FAF1: variants seen among roughly 807,000 people sequenced by gnomAD.
FAF1 encodes Fas associated factor 1, also known as FAS-associated factor 1.
A neutral mutation model predicts 92.5 loss-of-function variants in FAF1; 25 were observed. The observed-to-expected ratio is 0.27, with a 90% confidence interval of 0.20 to 0.38. The LOEUF (loss-of-function observed/expected upper bound fraction) is 0.38, where lower values mean the gene tolerates loss of function less well. Ranked by LOEUF, FAF1 falls within the 10% of genes least tolerant of loss-of-function variation. The pLI is 1.00. For synonymous variants in FAF1, 234 were observed against 273.2 expected, an observed-to-expected ratio of 0.86 and a Z score of 1.42; for missense variants, 636 against 793.3, an observed-to-expected ratio of 0.80 and a Z score of 2.38.
At chr1:50,650,836 A>T (rs1654831471) in intron 8 of FAF1, among the ~76,000 whole-genome samples, 1 of 152,112 alleles carries the variant, frequency 6.6e-6, no homozygotes, top group African/African-American at 2.4e-5. Context: ...CCTACTTGTA[A>T]CTCCTTGTTC....
intron 6 of FAF1, among the ~76,000 whole-genome samples, chr1:50,729,212 T>C (rs1658816109): frequency 6.6e-6 from 1 of 151,398 alleles, no homozygotes; most frequent in Non-Finnish European, 1.5e-5. Flanking sequence ...TGCGCCACCA[T>C]ACCCGGCTTA....
chr1:50,512,716 C>A (rs1016329766), intron 15 of FAF1, among the ~76,000 whole-genome samples: 1 of 152,100 alleles, frequency 6.6e-6, no homozygotes. Flanking sequence ...TTGGCTATAA[C>A]GGCTCTTTTT....
chr1:50,567,282 T>A, intron 12 of FAF1, 51 bp from the exon 13 acceptor site: 1 of 1,425,140 alleles, frequency 7.0e-7, no homozygotes, highest in Non-Finnish European at 9.5e-7. Flanking sequence ...TAATGTAAGA[T>A]TTCTTAAATT....
intron 8 of FAF1, among the ~76,000 whole-genome samples, chr1:50,629,320 G>A (rs1236770602): frequency 6.6e-6 from 1 of 152,022 alleles, no homozygotes; most frequent in Non-Finnish European, 1.5e-5. Flanking sequence ...TAGGTGCATG[G>A]CACCACGCCC....
intron 8 of FAF1, among the ~76,000 whole-genome samples, chr1:50,629,759 T>TAAAG (rs1653676079): frequency 6.6e-6 from 1 of 152,032 alleles, no homozygotes; most frequent in African/African-American, 2.4e-5. Flanking sequence ...ACGTGAAGAT[T>TAAAG]AAAGATAAAA....
chr1:50,729,034 C>CTATCTATCTATCTATA (rs774816134), intron 6 of FAF1, among the ~76,000 whole-genome samples: 5 of 88,118 alleles, frequency 5.7e-5, no homozygotes, highest in African/African-American at 2.5e-4. Flanking sequence ...ATCTATCTAT[C>CTATCTATCTATCTATA]TATATATATA....
chr1:50,515,567 A>G (rs564439213), intron 15 of FAF1, among the ~76,000 whole-genome samples: 3 of 152,318 alleles, frequency 2.0e-5, no homozygotes, highest in South Asian at 4.1e-4. Flanking sequence ...AACAGAAATT[A>G]TAACAAAATG....
chr1:50,756,503 C>T (rs1364374272), intron 4 of FAF1, among the ~76,000 whole-genome samples: 1 of 152,186 alleles, frequency 6.6e-6, no homozygotes, highest in Non-Finnish European at 1.5e-5. Flanking sequence ...TCTTCATAGC[C>T]CTCCAAACTA....
chr1:50,618,852 G>A lies in FAF1; in HGVS notation c.745-22636C>T, dbSNP rs181172742. 2.6e-5 allele frequency among the ~76,000 whole-genome samples: 4 copies of A among 151,656 alleles called. No homozygotes were observed. The East Asian group carries it at 7.8e-4, about 30-fold the overall frequency. On this transcript the variant is annotated intron_variant, in intron 8 of 18. Transcript: ENST00000396153. ...CAGCATCTGCCTCCTGGGTTCCAGCGATTCTTCTGCCTCAGCCTCCTGGGT... is the reference window on the plus strand; with the variant it reads ...CAGCATCTGCCTCCTGGGTTCCAGCAATTCTTCTGCCTCAGCCTCCTGGGT...
intron 15 of FAF1, among the ~76,000 whole-genome samples, chr1:50,529,001 T>C (rs1315710768): frequency 6.6e-6 from 1 of 152,220 alleles, no homozygotes; most frequent in African/African-American, 2.4e-5. Flanking sequence ...AAAATACATG[T>C]TAATCAATTA....
intron 4 of FAF1, among the ~76,000 whole-genome samples, chr1:50,760,304 C>A (rs1660272469): frequency 6.6e-6 from 1 of 152,104 alleles, no homozygotes; most frequent in African/African-American, 2.4e-5. Context: ...CAACGATACC[C>A]AGGAATTGAA....
At chr1:50,801,274 G>C (rs1661978858) in intron 3 of FAF1, among the ~76,000 whole-genome samples, 1 of 152,208 alleles carries the variant, frequency 6.6e-6, no homozygotes, top group South Asian at 2.1e-4. Flanking sequence ...GATAAAGCCT[G>C]TATAGTTAAG....
chr1:50,728,409 G>T (rs376836344), intron 6 of FAF1, among the ~76,000 whole-genome samples: 25 of 152,218 alleles, frequency 1.6e-4, no homozygotes, highest in African/African-American at 5.5e-4. Context: ...AAAAGACGAA[G>T]TTAGAGAGAA....
intron 7 of FAF1, among the ~76,000 whole-genome samples, chr1:50,663,287 G>GC (rs1417809933): frequency 6.6e-5 from 10 of 151,462 alleles, no homozygotes; most frequent in African/African-American, 2.2e-4. Flanking sequence ...AAATTCATGG[G>GC]CCCCACCACA....
Position 50,887,438 on chromosome 1 carries a change from T to G in FAF1, c.46-29441A>C, listed in dbSNP as rs1644676682. 2.0e-5 allele frequency among the ~76,000 whole-genome samples: 3 copies of G among 152,236 alleles called. No individual in the cohort carries two copies. The South Asian group carries it at 6.2e-4, about 32-fold the overall frequency. Reference sequence around the variant, plus strand: ...GCCATTGCTTTTGGTGTTTTAGACATGAAGTCCTTGCCCATGCCTATAGCC... The same window carrying G: ...GCCATTGCTTTTGGTGTTTTAGACAGGAAGTCCTTGCCCATGCCTATAGCC... On this transcript the variant is annotated intron_variant, in intron 1 of 18. Transcript: ENST00000396153.
At chr1:50,634,734 C>G (rs186075466) in intron 8 of FAF1, among the ~76,000 whole-genome samples, 7 of 152,242 alleles carry the variant, frequency 4.6e-5, no homozygotes, top group Admixed American at 3.9e-4. Flanking sequence ...TTTTTCAGTG[C>G]CATGCTTAAT....
At chr1:50,858,806 T>C (rs1303389000) in intron 1 of FAF1, among the ~76,000 whole-genome samples, 21 of 151,836 alleles carry the variant, frequency 1.4e-4, no homozygotes, top group Admixed American at 1.4e-3. Context: ...AAATATTAAC[T>C]AGCAGGATGC....
At chr1:50,911,703 A>C (rs1283961194) in intron 1 of FAF1, among the ~76,000 whole-genome samples, 1 of 151,430 alleles carries the variant, frequency 6.6e-6, no homozygotes, top group African/African-American at 2.4e-5. Flanking sequence ...TCTCCAAAAA[A>C]ACTATTTCTC....
intron 6 of FAF1, among the ~76,000 whole-genome samples, chr1:50,714,277 T>G (rs113966662): frequency 0.034 from 5,073 of 147,086 alleles, 284 homozygotes; most frequent in African/African-American, 0.12. Flanking sequence ...CTGAGGCGGG[T>G]GGATTACTTG....
Sources: gnomAD v4.1 joint callset for allele counts (sites outside exome capture counted in the v4.1 genomes callset) on GRCh38, gnomAD v4.1.1 for gene constraint, MANE v1.5 for transcripts, NCBI Gene and HGNC (gene_info 2026-07-23, HGNC 2026-07-21) for gene names.